TBC1D9B: variants seen among roughly 807,000 people sequenced by gnomAD.
TBC1D9B encodes the protein TBC1 domain family member 9B.
Under a neutral mutation model 121.1 loss-of-function variants are expected in TBC1D9B, and 87 were observed. The ratio of observed to expected loss-of-function variants is 0.72; its 90% CI spans 0.60 to 0.86. TBC1D9B has a LOEUF of 0.86. TBC1D9B is among the 40% of genes least tolerant of loss of function. The pLI, the probability that TBC1D9B is intolerant of heterozygous loss-of-function variation, is 0.00. For synonymous variants in TBC1D9B, 668 were observed against 670.1 expected (o/e 1.00, Z 0.05); for missense variants, 1,540 against 1,628.6 (o/e 0.95, Z 0.94).
intron 3 of TBC1D9B, among the ~76,000 whole-genome samples, chr5:179,895,100 A>T (rs1160495143): frequency 1.3e-5 from 2 of 152,144 alleles, no homozygotes; most frequent in South Asian, 2.1e-4. Context: ...GGCTCAAGTG[A>T]TCCGCCCGCC....
Position 179,865,659 on chromosome 5 carries a change from T to A in TBC1D9B, c.2914+179A>T. 1 of 709,098 alleles carries A rather than the reference T, an allele frequency of 1.4e-6. No homozygotes were observed. The highest frequency in any genetic ancestry group is 2.3e-6 in the Non-Finnish European group (1 of 427,446). 43.9% of individuals were successfully genotyped at this position (709,098 alleles called of 1,614,324 possible). A position where few individuals can be genotyped will look rare whatever the true frequency, so the allele number is the denominator to read the frequency against. ...CAAGAGAGGGCTGGCTGGGTGCCCG[T>A]GGGGCTGGTGGAGAGCGTGGAGCCT... On this transcript the variant is annotated intron_variant, in intron 19 of 20. Transcript: ENST00000355235. This position sits in a 1 kb window ranked among gnomAD's most constrained non-coding sequence, Gnocchi z 5.1.
rs1343711133 is a variant in TBC1D9B, at chr5:179,885,525, G to T, written c.1254+2578C>A. 6.6e-6 allele frequency among the ~76,000 whole-genome samples: 1 copy of T among 151,932 alleles called. No individual in the cohort carries two copies. The highest frequency in any genetic ancestry group is 1.5e-5 in the Non-Finnish European group (1 of 67,984). ...AATCACTTGAACCTGGGAGGCAGAG[G>T]ATGCAGTGAGCCAAGACTGCCCCAC... On this transcript the variant is annotated intron_variant, in intron 7 of 20. Coordinates refer to ENST00000355235, the MANE Select transcript of TBC1D9B (RefSeq NM_015043.4). This position sits in a 1 kb window ranked among gnomAD's most constrained non-coding sequence, Gnocchi z 4.5.
chr5:179,870,095 G>A (rs915271575), intron 16 of TBC1D9B, among the ~76,000 whole-genome samples, 160 bp downstream of exon 16: 3 of 152,140 alleles, frequency 2.0e-5, no homozygotes, highest in Non-Finnish European at 4.4e-5. Context: ...ACCCCATCTC[G>A]GCTCCCGTGG....
intron 2 of TBC1D9B, among the ~76,000 whole-genome samples, chr5:179,901,317 A>G (rs1761161800): frequency 6.6e-6 from 1 of 152,136 alleles, no homozygotes; most frequent in South Asian, 2.1e-4. Flanking sequence ...GTTGGTAGGT[A>G]GAGATTTCTT....
At chr5:179,867,519 G>A (rs1303118282) in intron 18 of TBC1D9B, 3 of 1,556,564 alleles carry the variant, frequency 1.9e-6, no homozygotes, top group Admixed American at 3.9e-5. Flanking sequence ...CAGAGGAGAG[G>A]CAGAGGGGCA....
At chr5:179,881,463 T>G (rs1262998976) in intron 7 of TBC1D9B, among the ~76,000 whole-genome samples, 3 of 152,182 alleles carry the variant, frequency 2.0e-5, no homozygotes, top group Non-Finnish European at 4.4e-5. Context: ...AGCACAGAAC[T>G]GCACTGTTAC....
intron 10 of TBC1D9B, among the ~76,000 whole-genome samples, chr5:179,876,698 A>G (rs1760369733): frequency 6.6e-6 from 1 of 152,220 alleles, no homozygotes; most frequent in African/African-American, 2.4e-5. Context: ...GATGTGGAGA[A>G]ATCGGAACCC....
At chr5:179,877,959 T>C (rs1276202795) in intron 10 of TBC1D9B, among the ~76,000 whole-genome samples, 1 of 152,114 alleles carries the variant, frequency 6.6e-6, no homozygotes, top group African/African-American at 2.4e-5. Context: ...GGTCTGGGGA[T>C]GGATGGCGGT....
rs555494847 is a variant in TBC1D9B, at chr5:179,904,556, G to A, written c.229+146C>T. 5.0e-4 allele frequency: 367 copies of A among 728,462 alleles called. No homozygotes were observed. Among genetic ancestry groups the A allele is most frequent in the Middle Eastern group, 2.2e-3 (6 of 2,726 alleles). The allele number at this position is 728,462 out of a possible 1,614,324, so 45.1% of individuals were successfully genotyped here. ...CTGCCTTTCTAAGATGGAAGCGAAG[G>A]CTCCTCCACTTCCCTCTTGCAGCCT... On this transcript the variant is annotated intron_variant, in intron 2 of 20. Coordinates refer to ENST00000355235, the MANE Select transcript of TBC1D9B (RefSeq NM_015043.4). The surrounding 1 kb of genome is among the most constrained non-coding windows in gnomAD (Gnocchi z 4.2).
In TBC1D9B at chr5:179,874,769, C is replaced by T; in HGVS notation, c.2186+133G>A. On this transcript the variant is annotated intron_variant, in intron 12 of 20. Coordinates refer to ENST00000355235, the MANE Select transcript of TBC1D9B (RefSeq NM_015043.4). The surrounding 1 kb of genome is among the most constrained non-coding windows in gnomAD (Gnocchi z 4.3). ...CTAGAAAGGAGCCGCCTCCTGACCC[C>T]AGAGCACCCCCGGGTCCAGCTGCAG... The T allele has an allele frequency of 1.0e-5, 14 of 1,350,502 alleles. No individual in the cohort carries two copies. Among genetic ancestry groups the T allele is most frequent in the Non-Finnish European group, 1.4e-5 (14 of 1,006,718 alleles). The allele number at this position is 1,350,502 out of a possible 1,614,324, so 83.7% of individuals were successfully genotyped here.
chr5:179,899,531 C>A (rs1298279243), intron 2 of TBC1D9B, among the ~76,000 whole-genome samples: 1 of 152,142 alleles, frequency 6.6e-6, no homozygotes. Context: ...GAATCACAGT[C>A]GTGTGGGAGA....
Position 179,865,662 on chromosome 5 carries a change from G to A in TBC1D9B, c.2914+176C>T. 1.4e-6 allele frequency: 1 copy of A among 723,960 alleles called. No individual in the cohort carries two copies. The highest frequency in any genetic ancestry group is 2.3e-6 in the Non-Finnish European group (1 of 439,518). The allele number at this position is 723,960 out of a possible 1,614,324, so 44.8% of individuals were successfully genotyped here. On this transcript the variant is annotated intron_variant, in intron 19 of 20. Transcript: ENST00000355235. This position sits in a 1 kb window ranked among gnomAD's most constrained non-coding sequence, Gnocchi z 5.1. ...GAGAGGGCTGGCTGGGTGCCCGTGG[G>A]GCTGGTGGAGAGCGTGGAGCCTCCT...
At chr5:179,878,122 G>A (rs1760414050) in intron 10 of TBC1D9B, among the ~76,000 whole-genome samples, 187 bp downstream of exon 10, 1 of 152,234 alleles carries the variant, frequency 6.6e-6, no homozygotes, top group Admixed American at 6.5e-5. Flanking sequence ...GTACAAAGAC[G>A]ACGACTTCTA....
At chr5:179,883,885 C>G (rs1287955448) in intron 7 of TBC1D9B, among the ~76,000 whole-genome samples, 1 of 152,190 alleles carries the variant, frequency 6.6e-6, no homozygotes. Context: ...AACTCCACAG[C>G]TGGAGAGGCC....
In TBC1D9B at chr5:179,893,838, G is replaced by A. The variant is rs529194833; in HGVS notation, c.578-371C>T. On this transcript the variant is annotated intron_variant, in intron 4 of 20. Transcript: ENST00000355235. ...AGAACAGGACACAGCCCCTGCTGAC[G>A]GGAGGTGACTGGCCACCTGGTCGTG... Among the ~76,000 whole-genome samples the A allele has an allele frequency of 1.4e-3, 207 of 152,288 alleles. 1 individual carries two copies. Among genetic ancestry groups the A allele is most frequent in the Non-Finnish European group, 2.4e-3 (160 of 68,016 alleles).
At position 179,863,538 on chromosome 5, in the gene TBC1D9B, C is replaced by T; in HGVS notation, c.3612G>A (p.Val1204=). The T allele has an allele frequency of 6.2e-7, 1 of 1,614,206 alleles. No individual in the cohort carries two copies. Residue 1204 remains valine (V), a synonymous_variant, in exon 21 of 21, where the codon GTG becomes GTA. Transcript: ENST00000355235. The surrounding 1 kb of genome is among the most constrained non-coding windows in gnomAD (Gnocchi z 4.5). ...GGTCCTTGATCTTGAGTCCAATGTC[C>T]ACTCTCTTCTCAAAGAAGTTCACCA... The part of the protein sequence containing the change: ...SVLVNFFEKR[V]DIGLKIKDQK...
intron 16 of TBC1D9B, 147 bp from the exon 17 acceptor site, chr5:179,869,981 C>T (rs1760140893): frequency 1.0e-6 from 1 of 954,334 alleles, no homozygotes; most frequent in Non-Finnish European, 1.5e-6. Context: ...TCCTGTCTCC[C>T]TGGCGTCCTG....
chr5:179,907,069 C>T lies in TBC1D9B; in HGVS notation c.118+635G>A, dbSNP rs1216884654. On this transcript the variant is annotated intron_variant, in intron 1 of 20. Coordinates refer to ENST00000355235, the MANE Select transcript of TBC1D9B (RefSeq NM_015043.4). This position sits in a 1 kb window ranked among gnomAD's most constrained non-coding sequence, Gnocchi z 5.3. ...TCCTGTGTGATGGTGGCACCCGGGC[C>T]CACAAAGGGCCACCTTGGCGAGCTT... Among the ~76,000 whole-genome samples, 1 of 152,184 alleles carries T rather than the reference C, an allele frequency of 6.6e-6. No individual in the cohort carries two copies. Among genetic ancestry groups the T allele is most frequent in the Non-Finnish European group, 1.5e-5 (1 of 68,030 alleles).
At chr5:179,895,309 C>T (rs573104110) in intron 3 of TBC1D9B, among the ~76,000 whole-genome samples, 1 of 152,356 alleles carries the variant, frequency 6.6e-6, no homozygotes, top group East Asian at 1.9e-4. Context: ...TTCCTGGTTC[C>T]TTCCAGACAT....
Sources: allele counts gnomAD v4.1 joint callset (sites outside exome capture counted in the v4.1 genomes callset), GRCh38; gene constraint gnomAD v4.1.1; non-coding constraint Gnocchi (gnomAD v3.1); transcripts MANE v1.5; gene names NCBI Gene and HGNC (gene_info 2026-07-23, HGNC 2026-07-21).